Variants in ASRGL1 observed in about 807,000 individuals in gnomAD.
The protein encoded by ASRGL1 is isoaspartyl peptidase/L-asparaginase.
ASRGL1 carries 16 observed loss-of-function variants against 22.4 expected under a neutral mutation model. That is an observed-to-expected ratio of 0.71 (90% CI 0.48 to 1.08). The LOEUF (loss-of-function observed/expected upper bound fraction) is 1.08. Among genes scored for constraint, ASRGL1 ranks in the 50% least tolerant of loss-of-function variants. The probability of loss-of-function intolerance (pLI) is 0.00; values close to 1 mark genes in which losing one functional copy is unlikely to be tolerated. For synonymous variants in ASRGL1, 165 were observed against 159.3 expected (o/e 1.04, Z -0.27); for missense variants, 412 against 410.1 (o/e 1.00, Z -0.04).
At chr11:62,372,658 T>C (rs762627963) in intron 4 of ASRGL1, 47 of 1,007,300 alleles carry the variant, frequency 4.7e-5, no homozygotes, top group Admixed American at 2.4e-4. Flanking sequence ...CAGAAGTGAG[T>C]CTTCTCCTGG....
At chr11:62,354,999 C>A (rs1472560526) in intron 2 of ASRGL1, among the ~76,000 whole-genome samples, 1 of 151,850 alleles carries the variant, frequency 6.6e-6, no homozygotes, top group African/African-American at 2.4e-5. Context: ...CTCATGGCAA[C>A]CTCCGCCTCC....
At chr11:62,401,036 C>T in the ASRGL1 span, among the ~76,000 whole-genome samples, 1 of 152,208 alleles carries the variant, frequency 6.6e-6, no homozygotes, top group East Asian at 1.9e-4. Flanking sequence ...CCTGGTGAGC[C>T]CCTCGGCCTG....
chr11:62,392,432 G>C lies in ASRGL1; in HGVS notation c.*148G>C. The C allele has an allele frequency of 1.0e-6, 1 of 954,316 alleles. No individual in the cohort carries two copies. The highest frequency in any genetic ancestry group is 2.3e-5 in the Admixed American group (1 of 43,130). 59.1% of individuals were successfully genotyped at this position (954,316 alleles called of 1,614,324 possible). On this transcript the variant is annotated 3_prime_UTR_variant, in exon 7 of 7. Coordinates refer to ENST00000415229, the MANE Select transcript of ASRGL1 (RefSeq NM_001083926.2). ...GCCTTAATAAGCATCTGAATGTTTG[G>C]TTGTGGGGCGGGTTCTGAAGCGATG...
At chr11:62,371,180 CG>C in intron 4 of ASRGL1, 1 of 1,235,664 alleles carries the variant, frequency 8.1e-7, no homozygotes, top group Non-Finnish European at 1.1e-6. Flanking sequence ...GAGCTGAGCT[CG>C]GGCAACGGCA....
intron 4 of ASRGL1, among the ~76,000 whole-genome samples, chr11:62,387,592 C>T (rs553669663): frequency 8.2e-4 from 125 of 152,348 alleles, no homozygotes; most frequent in Admixed American, 4.8e-3. Flanking sequence ...AGGAACGCTC[C>T]TCCCCAGCAG....
chr11:62,375,959 G>C (rs1191342665), intron 4 of ASRGL1, among the ~76,000 whole-genome samples: 2 of 151,830 alleles, frequency 1.3e-5, no homozygotes, highest in African/African-American at 4.8e-5. Context: ...AAAATTAGCT[G>C]GGCGTGGTGG....
At chr11:62,360,176 C>T (rs556963391) in intron 4 of ASRGL1, among the ~76,000 whole-genome samples, 7 of 151,548 alleles carry the variant, frequency 4.6e-5, no homozygotes, top group East Asian at 1.9e-4. Flanking sequence ...TACAGGTGTG[C>T]GCCACCACGC....
downstream of ASRGL1, among the ~76,000 whole-genome samples, chr11:62,397,110 A>C (rs1590769115): frequency 1.3e-5 from 2 of 151,946 alleles, no homozygotes; most frequent in Non-Finnish European, 1.5e-5. Context: ...GCTCACTGCA[A>C]CCTCCGTCTC....
chr11:62,372,361 A>G (rs1946796794), intron 4 of ASRGL1: 2 of 1,569,238 alleles, frequency 1.3e-6, no homozygotes, highest in Non-Finnish European at 1.8e-6. Context: ...CAGATAATGT[A>G]CAACAGCCTG....
chr11:62,366,313 A>G lies in ASRGL1; in HGVS notation c.491+9169A>G, dbSNP rs1356589818. On this transcript the variant is annotated intron_variant, in intron 4 of 6. Coordinates refer to ENST00000415229, the MANE Select transcript of ASRGL1 (RefSeq NM_001083926.2). ...TACAGTGAAACATATATACAAGAAA[A>G]ATACCGATTTTTCAAGATACATTTA... Among the ~76,000 whole-genome samples the G allele has an allele frequency of 6.7e-5, 10 of 148,642 alleles. No individual in the cohort carries two copies. The South Asian group carries it at 1.3e-3, about 19-fold the overall frequency.
intron 4 of ASRGL1, among the ~76,000 whole-genome samples, chr11:62,380,653 A>G (rs1164073054): frequency 2.6e-5 from 4 of 152,126 alleles, no homozygotes; most frequent in African/African-American, 9.7e-5. Context: ...TTTGGCCAAA[A>G]TCTCCCAATC....
chr11:62,375,697 G>A (rs1369490706), intron 4 of ASRGL1, among the ~76,000 whole-genome samples: 2 of 151,414 alleles, frequency 1.3e-5, no homozygotes, highest in African/African-American at 4.9e-5. Context: ...ATTTCAGTAG[G>A]ATTATCCATC....
At chr11:62,364,678 A>G (rs1220780387) in intron 4 of ASRGL1, among the ~76,000 whole-genome samples, 1 of 152,216 alleles carries the variant, frequency 6.6e-6, no homozygotes, top group Non-Finnish European at 1.5e-5. Context: ...AAAGGAGGAG[A>G]TCCTGCCATT....
the ASRGL1 span, among the ~76,000 whole-genome samples, chr11:62,400,914 G>A: frequency 5.3e-5 from 8 of 152,154 alleles, no homozygotes; most frequent in South Asian, 2.1e-4. Context: ...CCTGCCCCTC[G>A]TCTCTGGACC....
At chr11:62,362,654 T>A (rs1286973039) in intron 4 of ASRGL1, among the ~76,000 whole-genome samples, 9 of 90,886 alleles carry the variant, frequency 9.9e-5, no homozygotes, top group South Asian at 2.7e-4. Context: ...ATAATATATA[T>A]TATATAAAAT....
chr11:62,388,954 A>G (rs948185503), intron 4 of ASRGL1, among the ~76,000 whole-genome samples, 179 bp from the exon 5 acceptor site: 4 of 152,150 alleles, frequency 2.6e-5, no homozygotes, highest in Middle Eastern at 3.2e-3. Flanking sequence ...GTGTCCAGCA[A>G]TCCACCTGTA....
chr11:62,351,680 G>A (rs1946170524), intron 2 of ASRGL1, among the ~76,000 whole-genome samples: 1 of 151,676 alleles, frequency 6.6e-6, no homozygotes, highest in African/African-American at 2.4e-5. Context: ...TTTTTTGGTG[G>A]GGGTGGGGAC....
downstream of ASRGL1, among the ~76,000 whole-genome samples, chr11:62,393,702 T>A (rs11231072): frequency 0.28 from 42,471 of 152,036 alleles, 6,022 homozygotes; most frequent in South Asian, 0.36. Context: ...ACTCCCCCTT[T>A]AGAAACAAGT....
intron 4 of ASRGL1, chr11:62,371,372 G>A (rs1233970266): frequency 4.1e-6 from 3 of 728,034 alleles, no homozygotes; most frequent in East Asian, 6.4e-5. Flanking sequence ...GGCAAGGTGG[G>A]CGGTGCGGCT....
Sources: gnomAD v4.1 joint callset for allele counts (sites outside exome capture counted in the v4.1 genomes callset) on GRCh38, gnomAD v4.1.1 for gene constraint, MANE v1.5 for transcripts, NCBI Gene and HGNC (gene_info 2026-07-23, HGNC 2026-07-21) for gene names.